Variants in FGFR2 observed in about 807,000 individuals in gnomAD.
FGFR2 encodes fibroblast growth factor receptor 2.
Under a neutral mutation model 95.9 loss-of-function variants are expected in FGFR2, and 19 were observed. That is an observed-to-expected ratio of 0.20 (90% CI 0.14 to 0.29). The LOEUF (loss-of-function observed/expected upper bound fraction) is 0.29, where lower values mean the gene tolerates loss of function less well. Among genes scored for constraint, FGFR2 ranks in the 10% least tolerant of loss-of-function variants. The pLI, the probability that FGFR2 is intolerant of heterozygous loss-of-function variation, is 1.00. For synonymous variants in FGFR2, 392 were observed against 393.3 expected (o/e 1.00, Z 0.04); for missense variants, 707 against 1,056.9 (o/e 0.67, Z 4.59).
intron 4 of FGFR2, among the ~76,000 whole-genome samples, chr10:121,552,246 C>T (rs1355611099): frequency 6.6e-6 from 1 of 152,094 alleles, no homozygotes; most frequent in Admixed American, 6.6e-5. Context: ...TTTTAAATCA[C>T]AAAGTAAAGT....
chr10:121,594,826 T>C (rs909290200), intron 1 of FGFR2, among the ~76,000 whole-genome samples: 1 of 152,258 alleles, frequency 6.6e-6, no homozygotes, highest in African/African-American at 2.4e-5. Flanking sequence ...ATGTAAATTA[T>C]GTAAATTATA....
At chr10:121,580,528 G>C (rs1002459895) in intron 2 of FGFR2, among the ~76,000 whole-genome samples, 1 of 152,166 alleles carries the variant, frequency 6.6e-6, no homozygotes. Flanking sequence ...GGAGCCGGCA[G>C]CAATCAGCTG....
rs996730170 is a variant in FGFR2, at chr10:121,537,777, G to C, written c.748+815C>G. Among the ~76,000 whole-genome samples, 11 of 152,298 alleles carry C rather than the reference G, an allele frequency of 7.2e-5. No homozygotes were observed. The East Asian group carries it at 2.1e-3, about 29-fold the overall frequency. On this transcript the variant is annotated intron_variant, in intron 6 of 17. Transcript: ENST00000358487. ...AAGGCACATGACAGGAAAGAGAAAA[G>C]ATGGCCCCTACATGGAAGGGATCTT... is the stretch of plus-strand genomic sequence containing the variant.
chr10:121,544,077 A>C (rs1854152169), intron 5 of FGFR2, among the ~76,000 whole-genome samples: 1 of 152,230 alleles, frequency 6.6e-6, no homozygotes, highest in Non-Finnish European at 1.5e-5. Context: ...ATACTTGTAC[A>C]CCAATTGCTA....
intron 6 of FGFR2, 111 bp downstream of exon 6, chr10:121,538,481 C>G: frequency 7.0e-7 from 1 of 1,429,394 alleles, no homozygotes; most frequent in Non-Finnish European, 9.9e-7. Context: ...TAAGAATGAA[C>G]CAATTCTCCT....
intron 4 of FGFR2, among the ~76,000 whole-genome samples, chr10:121,552,810 G>A (rs1343465912): frequency 6.6e-6 from 1 of 152,162 alleles, no homozygotes; most frequent in Non-Finnish European, 1.5e-5. Context: ...GCCACCAACA[G>A]GGACTTGAAC....
intron 10 of FGFR2, among the ~76,000 whole-genome samples, chr10:121,502,300 G>A (rs1285596058): frequency 6.6e-6 from 1 of 152,194 alleles, no homozygotes; most frequent in Non-Finnish European, 1.5e-5. Flanking sequence ...TACAGGTAAA[G>A]AAACCATTCT....
At chr10:121,481,975 T>C (rs1264735863) in intron 17 of FGFR2, 7 of 440,268 alleles carry the variant, frequency 1.6e-5, no homozygotes, top group Admixed American at 1.1e-4. Flanking sequence ...GTAGCTGGGA[T>C]TACAGGTGCA....
intron 9 of FGFR2, among the ~76,000 whole-genome samples, chr10:121,514,693 T>C (rs1554926872): frequency 6.6e-6 from 1 of 152,180 alleles, no homozygotes; most frequent in Non-Finnish European, 1.5e-5. Context: ...TCAGAGAACT[T>C]AGAGTCTCTT....
At chr10:121,540,721 G>C (rs1853605594) in intron 5 of FGFR2, among the ~76,000 whole-genome samples, 1 of 152,146 alleles carries the variant, frequency 6.6e-6, no homozygotes, top group Non-Finnish European at 1.5e-5. Context: ...ACGTCACCAA[G>C]CCATGTAATC....
chr10:121,503,365 GGGTAGC>G (rs1847848310), intron 10 of FGFR2, among the ~76,000 whole-genome samples: 1 of 152,214 alleles, frequency 6.6e-6, no homozygotes, highest in Non-Finnish European at 1.5e-5. Flanking sequence ...CAGCAACACT[GGGTAGC>G]GGTCCTTAAG....
Position 121,593,919 on chromosome 10 carries a change from G to C in FGFR2, c.-102C>G. 9.2e-7 allele frequency: 1 copy of C among 1,087,418 alleles called. No homozygotes were observed. The highest frequency in any genetic ancestry group is 1.4e-6 in the Non-Finnish European group (1 of 709,520). The allele number at this position is 1,087,418 out of a possible 1,614,324, so 67.4% of individuals were successfully genotyped here. On this transcript the variant is annotated 5_prime_UTR_variant, in exon 2 of 18. Coordinates refer to ENST00000358487, the MANE Select transcript of FGFR2 (RefSeq NM_000141.5). The stretch of plus-strand genomic sequence containing the variant: ...GCATGGACTACGCGCAATGCCTTCA[G>C]CCTGCGGTGGGCTCAGGAACCGAGG...
At chr10:121,541,770 T>C (rs779834569) in intron 5 of FGFR2, among the ~76,000 whole-genome samples, 1 of 152,238 alleles carries the variant, frequency 6.6e-6, no homozygotes, top group Non-Finnish European at 1.5e-5. Context: ...ATTCAGTACT[T>C]GGTGAATGTG....
At chr10:121,538,737 C>CGGTT in intron 5 of FGFR2, 22 bp from the exon 6 acceptor site, 1 of 1,614,050 alleles carries the variant, frequency 6.2e-7, no homozygotes, top group Non-Finnish European at 8.5e-7. Flanking sequence ...AAAGCAAAGG[C>CGGTT]GGTTATTTAA....
rs1703074973 is a variant in FGFR2 at position 121,517,836 on chromosome 10, A to G, written c.940-373T>C. Among the ~76,000 whole-genome samples, 1 of 151,690 alleles carries G rather than the reference A, an allele frequency of 6.6e-6. No individual in the cohort carries two copies. The highest frequency in any genetic ancestry group is 2.4e-5 in the African/African-American group (1 of 41,228). On this transcript the variant is annotated intron_variant, in intron 7 of 17. Coordinates refer to ENST00000358487, the MANE Select transcript of FGFR2 (RefSeq NM_000141.5). This position sits in a 1 kb window ranked among gnomAD's most constrained non-coding sequence, Gnocchi z 4.7. ...GTCCTGTTGGCTGCAGACTCCCACC[A>G]AGAGGAAAGGGTAGTTCTATCTAAA...
intron 6 of FGFR2, among the ~76,000 whole-genome samples, chr10:121,537,172 C>A (rs1374655156): frequency 6.6e-6 from 1 of 152,148 alleles, no homozygotes; most frequent in African/African-American, 2.4e-5. Flanking sequence ...AAAACTCACT[C>A]TTTTATGAAT....
chr10:121,500,253 A>C (rs914861220), intron 11 of FGFR2, among the ~76,000 whole-genome samples: 9 of 152,198 alleles, frequency 5.9e-5, no homozygotes, highest in Non-Finnish European at 1.3e-4. Context: ...ACAACACGAC[A>C]TTTACATCTC....
chr10:121,558,615 T>G (rs901204032), intron 4 of FGFR2, among the ~76,000 whole-genome samples: 4 of 151,958 alleles, frequency 2.6e-5, no homozygotes, highest in Admixed American at 1.3e-4. Context: ...TTTTTGTTTT[T>G]TTTTTTTTTT....
chr10:121,486,093 C>T (rs1179688936), intron 15 of FGFR2, among the ~76,000 whole-genome samples: 1 of 152,210 alleles, frequency 6.6e-6, no homozygotes, highest in Admixed American at 6.5e-5. Context: ...ACACATCTCA[C>T]AGGCCATAAT....
Sources: gnomAD v4.1 joint callset for allele counts (sites outside exome capture counted in the v4.1 genomes callset) on GRCh38, gnomAD v4.1.1 for gene constraint, Gnocchi (gnomAD v3.1) non-coding constraint, MANE v1.5 for transcripts, NCBI Gene and HGNC (gene_info 2026-07-23, HGNC 2026-07-21) for gene names.